LDB2: variants seen among roughly 807,000 people sequenced by gnomAD.
The protein encoded by LDB2 is LIM domain binding 2.
Under a neutral mutation model 44.3 loss-of-function variants are expected in LDB2, and 12 were observed. That is an observed-to-expected ratio of 0.27 (90% CI 0.17 to 0.44). LDB2 has a LOEUF of 0.44. LDB2 is among the 20% of genes least tolerant of loss of function. The pLI, the probability that LDB2 is intolerant of heterozygous loss-of-function variation, is 1.00. For synonymous variants in LDB2, 164 were observed against 174.8 expected (o/e 0.94, Z 0.49); for missense variants, 344 against 473.5 (o/e 0.73, Z 2.54).
chr4:16,632,417 T>C (rs1258593259), intron 2 of LDB2, among the ~76,000 whole-genome samples: 1 of 152,196 alleles, frequency 6.6e-6, no homozygotes, highest in Non-Finnish European at 1.5e-5. Flanking sequence ...AATTAGGTAT[T>C]GATGGAACCT....
intron 5 of LDB2, among the ~76,000 whole-genome samples, chr4:16,539,466 G>T (rs1733003202): frequency 6.6e-6 from 1 of 152,120 alleles, no homozygotes; most frequent in African/African-American, 2.4e-5. Context: ...GGCAGTTTCT[G>T]CCCCTTTCAC....
At chr4:16,578,420 A>G (rs191260951) in intron 5 of LDB2, among the ~76,000 whole-genome samples, 1 of 152,340 alleles carries the variant, frequency 6.6e-6, no homozygotes, top group East Asian at 1.9e-4. Flanking sequence ...TCACAAAAAG[A>G]GACATACAAA....
intron 1 of LDB2, among the ~76,000 whole-genome samples, chr4:16,821,173 T>C (rs1781892274): frequency 6.6e-6 from 1 of 152,194 alleles, no homozygotes; most frequent in Admixed American, 6.5e-5. Flanking sequence ...TGTCTCGCTT[T>C]CTCGCTCCGT....
intron 2 of LDB2, among the ~76,000 whole-genome samples, chr4:16,739,644 ACATATGTGTGTATATATG>A (rs1762679539): frequency 1.3e-5 from 1 of 78,556 alleles, no homozygotes; most frequent in African/African-American, 5.0e-5. Flanking sequence ...ATGTATATAT[ACATATGTGTGTATATATG>A]TATATATACA....
At chr4:16,812,197 C>A (rs207690) in intron 1 of LDB2, among the ~76,000 whole-genome samples, 1 of 152,026 alleles carries the variant, frequency 6.6e-6, no homozygotes, top group African/African-American at 2.4e-5. Context: ...GTCAGAGATG[C>A]AGCTTCTTAA....
intron 1 of LDB2, among the ~76,000 whole-genome samples, chr4:16,800,948 T>C (rs1777708908): frequency 6.6e-6 from 1 of 152,210 alleles, no homozygotes; most frequent in South Asian, 2.1e-4. Flanking sequence ...GTGGTGGGAT[T>C]ACAGGCGTGA....
intron 2 of LDB2, among the ~76,000 whole-genome samples, chr4:16,647,117 T>C (rs894193498): frequency 1.1e-4 from 16 of 152,170 alleles, no homozygotes; most frequent in African/African-American, 3.6e-4. Context: ...TAAAGGACTA[T>C]TTGGTCAGAA....
At chr4:16,881,517 G>T (rs1720085374) in intron 1 of LDB2, among the ~76,000 whole-genome samples, 2 of 151,260 alleles carry the variant, frequency 1.3e-5, no homozygotes, top group African/African-American at 4.9e-5. Context: ...CATCTTTATG[G>T]ATTTCTAACC....
intron 1 of LDB2, among the ~76,000 whole-genome samples, chr4:16,832,217 A>C (rs1204666259): frequency 6.6e-6 from 1 of 152,204 alleles, no homozygotes; most frequent in African/African-American, 2.4e-5. Context: ...ATGTTCTCTC[A>C]TCTTCAGTAC....
At chr4:16,754,307 G>C (rs1488871385) in intron 2 of LDB2, among the ~76,000 whole-genome samples, 1 of 152,168 alleles carries the variant, frequency 6.6e-6, no homozygotes, top group African/African-American at 2.4e-5. Flanking sequence ...AGGTCATATG[G>C]ACTCCCACCT....
At chr4:16,768,939 A>G (rs1769986143) in intron 1 of LDB2, among the ~76,000 whole-genome samples, 3 of 152,204 alleles carry the variant, frequency 2.0e-5, no homozygotes, top group South Asian at 4.1e-4. Flanking sequence ...AATTGCCACG[A>G]AAGAGTTCAA....
At chr4:16,758,146 T>C (rs891394526) in intron 2 of LDB2, among the ~76,000 whole-genome samples, 2 of 152,218 alleles carry the variant, frequency 1.3e-5, no homozygotes, top group Non-Finnish European at 2.9e-5. Context: ...TTGCTAATAG[T>C]ATGCAAATAG....
At chr4:16,513,170 G>A (rs993377947) in intron 5 of LDB2, among the ~76,000 whole-genome samples, 5 of 152,110 alleles carry the variant, frequency 3.3e-5, no homozygotes, top group African/African-American at 1.2e-4. Context: ...AGGCCACCCT[G>A]CTTTTGGTCC....
At chr4:16,871,621 C>CTTT (rs369989468) in intron 1 of LDB2, among the ~76,000 whole-genome samples, 6,446 of 124,730 alleles carry the variant, frequency 0.052, 580 homozygotes, top group African/African-American at 0.17. Context: ...ACCACTCTTT[C>CTTT]TTTTTTTTTT....
chr4:16,583,957 A>G (rs1715757498), intron 5 of LDB2, among the ~76,000 whole-genome samples: 1 of 152,218 alleles, frequency 6.6e-6, no homozygotes, highest in South Asian at 2.1e-4. Context: ...GCAACTGGAA[A>G]ACTGCCAGGA....
At chr4:16,769,254 T>C (rs906374954) in intron 1 of LDB2, among the ~76,000 whole-genome samples, 1 of 152,062 alleles carries the variant, frequency 6.6e-6, no homozygotes, top group East Asian at 1.9e-4. Flanking sequence ...GAATTTTAAA[T>C]CTCCCCTTTT....
chr4:16,709,999 C>G (rs1454199337), intron 2 of LDB2, among the ~76,000 whole-genome samples: 1 of 151,918 alleles, frequency 6.6e-6, no homozygotes, highest in Non-Finnish European at 1.5e-5. Context: ...GAGCCCTAAG[C>G]CTCTTTTAAA....
intron 1 of LDB2, among the ~76,000 whole-genome samples, chr4:16,877,537 G>A (rs569998315): frequency 3.3e-5 from 5 of 152,276 alleles, no homozygotes; most frequent in Admixed American, 6.5e-5. Context: ...TACTTTTGAA[G>A]GTATTCTCAC....
rs144411578 is a variant in LDB2 at position 16,725,242 on chromosome 4, TCACA to T, written c.235+33912_235+33915del. ...CTACCTCTTGTGTGCATACACAAGT[TCACA>T]CACACACACACACACGCACACACAC... is the stretch of plus-strand genomic sequence containing the variant. On this transcript the variant is annotated intron_variant, in intron 2 of 7. Transcript: ENST00000304523. 8.0e-4 allele frequency among the ~76,000 whole-genome samples: 120 copies of T among 149,584 alleles called. 1 individual carries two copies. The highest frequency in any genetic ancestry group is 3.4e-3 in the Middle Eastern group (1 of 292).
Sources: gnomAD v4.1 joint callset for allele counts (sites outside exome capture counted in the v4.1 genomes callset) on GRCh38, gnomAD v4.1.1 for gene constraint, MANE v1.5 for transcripts, NCBI Gene and HGNC (gene_info 2026-07-23, HGNC 2026-07-21) for gene names.